LIMCH1: variants seen among roughly 807,000 people sequenced by gnomAD.
LIMCH1 encodes the protein LIM and calponin homology domains-containing protein 1.
A neutral mutation model predicts 176.5 loss-of-function variants in LIMCH1; 113 were observed. The ratio of observed to expected loss-of-function variants is 0.64; its 90% CI spans 0.55 to 0.75. LIMCH1 has a LOEUF of 0.75. Ranked by LOEUF, LIMCH1 falls within the 30% of genes least tolerant of loss-of-function variation. The probability of loss-of-function intolerance (pLI) is 0.00; values close to 1 mark genes in which losing one functional copy is unlikely to be tolerated. For synonymous variants in LIMCH1, 619 were observed against 645.9 expected, an observed-to-expected ratio of 0.96 and a Z score of 0.63; for missense variants, 1,674 against 1,814.9, an observed-to-expected ratio of 0.92 and a Z score of 1.41.
At chr4:41,637,061 T>C (rs1368200685) in intron 13 of LIMCH1, among the ~76,000 whole-genome samples, 1 of 152,250 alleles carries the variant, frequency 6.6e-6, no homozygotes, top group Non-Finnish European at 1.5e-5. Context: ...AATTCTCTGC[T>C]CTCTTCCATA....
At chr4:41,512,974 A>G (rs1486064757) in intron 2 of LIMCH1, among the ~76,000 whole-genome samples, 1 of 152,242 alleles carries the variant, frequency 6.6e-6, no homozygotes, top group Admixed American at 6.5e-5. Context: ...AAGATGTTTA[A>G]AAAGTCATCT....
At chr4:41,646,444 T>C in intron 16 of LIMCH1, 41 bp from the exon 17 acceptor site, 4 of 1,590,518 alleles carry the variant, frequency 2.5e-6, no homozygotes, top group Non-Finnish European at 3.4e-6. Context: ...TTTGCAATTT[T>C]CATTAGTTGA....
intron 17 of LIMCH1, 145 bp from the exon 18 acceptor site, chr4:41,650,248 A>T (rs1417372879): frequency 1.5e-6 from 1 of 655,652 alleles, no homozygotes; most frequent in Non-Finnish European, 2.7e-6. Flanking sequence ...CATAGATCCC[A>T]TCAGAACATT....
Position 41,445,070 on chromosome 4 carries a change from A to T in LIMCH1, c.97-49466A>T, listed in dbSNP as rs58542885. On this transcript the variant is annotated intron_variant, in intron 1 of 26. Coordinates refer to the LIMCH1 transcript ENST00000313860. ...ACCCAGGCTGGAGTGCAGTGGCGCA[A>T]TCTTGGCTCACTGCAACCTCCACCT... Among the ~76,000 whole-genome samples the T allele has an allele frequency of 3.2e-3, 472 of 149,646 alleles. 3 individuals carry two copies. Among genetic ancestry groups the T allele is most frequent in the African/African-American group, 0.011 (456 of 40,352 alleles).
chr4:41,431,440 T>C (rs1362849479), intron 1 of LIMCH1, among the ~76,000 whole-genome samples: 1 of 152,202 alleles, frequency 6.6e-6, no homozygotes, highest in Non-Finnish European at 1.5e-5. Flanking sequence ...GTTAAGTATA[T>C]GGTTTATATA....
chr4:41,469,958 G>A (rs149031884), intron 1 of LIMCH1, among the ~76,000 whole-genome samples: 177 of 152,294 alleles, frequency 1.2e-3, no homozygotes, highest in African/African-American at 3.9e-3. Context: ...GGGATTACAG[G>A]TGTGAGCCAC....
At position 41,597,089 on chromosome 4, in the gene LIMCH1, C is replaced by G. The variant is rs538029662; in HGVS notation, c.-240-1831C>G. ...GTTTTCACTTCTCAGATATAGCCCC[C>G]CTGTGACATTCTGCAACTTGTCTTC... On this transcript the variant is annotated intron_variant, in intron 1 of 31. Transcript: ENST00000503057. 3.3e-3 allele frequency among the ~76,000 whole-genome samples: 505 copies of G among 152,204 alleles called. 2 individuals are homozygous for G. Among genetic ancestry groups the G allele is most frequent in the African/African-American group, 0.011 (463 of 41,544 alleles).
intron 22 of LIMCH1, among the ~76,000 whole-genome samples, chr4:41,672,084 G>T (rs2095060146): frequency 6.6e-6 from 1 of 152,078 alleles, no homozygotes; most frequent in South Asian, 2.1e-4. Flanking sequence ...AAATGAATGT[G>T]ACAGACTTGG....
intron 1 of LIMCH1, among the ~76,000 whole-genome samples, chr4:41,427,545 CTTT>C (rs2061227487): frequency 6.6e-6 from 1 of 152,154 alleles, no homozygotes; most frequent in South Asian, 2.1e-4. Context: ...TTCTGAAAGC[CTTT>C]GTGTGTTCAT....
chr4:41,385,803 A>G (rs945428943), intron 1 of LIMCH1: 1 of 152,124 alleles, frequency 6.6e-6, no homozygotes, highest in Non-Finnish European at 1.5e-5. Flanking sequence ...GAAGAGCTAT[A>G]AAAAGGTGGC....
chr4:41,565,388 CACACACACAG>C (rs1561770061), intron 1 of LIMCH1, among the ~76,000 whole-genome samples: 6 of 145,634 alleles, frequency 4.1e-5, no homozygotes, highest in African/African-American at 1.6e-4. Context: ...CACACATACA[CACACACACAG>C]ACACACACAC....
intron 1 of LIMCH1, among the ~76,000 whole-genome samples, chr4:41,589,989 C>T (rs1447758549): frequency 1.3e-5 from 2 of 152,188 alleles, no homozygotes; most frequent in East Asian, 1.9e-4. Flanking sequence ...TCTTTCCCCT[C>T]GTCCTCTATC....
intron 1 of LIMCH1, among the ~76,000 whole-genome samples, chr4:41,364,385 C>G (rs2052645213): frequency 6.7e-6 from 1 of 149,640 alleles, no homozygotes. Context: ...TTGTTTTTTT[C>G]TGTTGTTAAT....
chr4:41,374,094 G>C (rs747713244), intron 1 of LIMCH1, among the ~76,000 whole-genome samples: 10 of 152,054 alleles, frequency 6.6e-5, no homozygotes, highest in Non-Finnish European at 1.3e-4. Context: ...CCAGCCTCAG[G>C]TAGTTCTATA....
chr4:41,622,513 G>A (rs2092657304), intron 7 of LIMCH1, among the ~76,000 whole-genome samples: 1 of 152,124 alleles, frequency 6.6e-6, no homozygotes, highest in African/African-American at 2.4e-5. Context: ...ACAGCAAAGG[G>A]GGATGAAGGG....
chr4:41,433,307 A>G (rs1264899007), intron 1 of LIMCH1, among the ~76,000 whole-genome samples: 1 of 152,212 alleles, frequency 6.6e-6, no homozygotes, highest in Admixed American at 6.5e-5. Flanking sequence ...TTGGGGGGGA[A>G]ACACTTGAAT....
At chr4:41,643,037 A>G (rs2093899852) in intron 14 of LIMCH1, among the ~76,000 whole-genome samples, 1 of 152,230 alleles carries the variant, frequency 6.6e-6, no homozygotes, top group Non-Finnish European at 1.5e-5. Context: ...CTTGGGGAAG[A>G]CAGGTTACAA....
At chr4:41,661,875 A>G in intron 19 of LIMCH1, 1 of 387,586 alleles carries the variant, frequency 2.6e-6, no homozygotes, top group South Asian at 2.1e-5. Context: ...AAACATAAAA[A>G]TAGACGCTGA....
chr4:41,462,651 A>G (rs1233704454), intron 1 of LIMCH1, among the ~76,000 whole-genome samples: 1 of 152,234 alleles, frequency 6.6e-6, no homozygotes. Context: ...TTTTATACAT[A>G]ACATAAACTG....
Sources: allele counts gnomAD v4.1 joint callset (sites outside exome capture counted in the v4.1 genomes callset), GRCh38; gene constraint gnomAD v4.1.1; transcripts MANE v1.5; gene names NCBI Gene and HGNC (gene_info 2026-07-23, HGNC 2026-07-21).